AKAP13: variants seen among roughly 807,000 people sequenced by gnomAD.
The protein encoded by AKAP13 is A-kinase anchor protein 13.
A neutral mutation model predicts 264.5 loss-of-function variants in AKAP13; 80 were observed. The observed-to-expected ratio is 0.30, with a 90% CI of 0.25 to 0.36. The LOEUF is 0.36. Among genes scored for constraint, AKAP13 ranks in the 10% least tolerant of loss-of-function variants. The pLI is 1.00. For synonymous variants in AKAP13, 1,380 were observed against 1,250.2 expected, an observed-to-expected ratio of 1.10 and a Z score of -2.19; for missense variants, 3,712 against 3,435.2, an observed-to-expected ratio of 1.08 and a Z score of -2.01.
At chr15:85,692,832 G>A (rs1329716004) in intron 16 of AKAP13, among the ~76,000 whole-genome samples, 1 of 152,122 alleles carries the variant, frequency 6.6e-6, no homozygotes, top group Non-Finnish European at 1.5e-5. Flanking sequence ...ATGCCACCCA[G>A]GCATCTTTTT....
At chr15:85,539,166 A>G (rs2077502704) in intron 4 of AKAP13, among the ~76,000 whole-genome samples, 1 of 152,158 alleles carries the variant, frequency 6.6e-6, no homozygotes, top group South Asian at 2.1e-4. Flanking sequence ...ATCACTGCTG[A>G]AAAGAAAATA....
At chr15:85,731,817 C>T (rs1474224549) in intron 30 of AKAP13, among the ~76,000 whole-genome samples, 1 of 152,026 alleles carries the variant, frequency 6.6e-6, no homozygotes, top group Non-Finnish European at 1.5e-5. Context: ...CACGGTGGCT[C>T]ATTTCTATAA....
chr15:85,732,403 G>T (rs1378243539), intron 30 of AKAP13, among the ~76,000 whole-genome samples: 1 of 151,248 alleles, frequency 6.6e-6, no homozygotes, highest in Non-Finnish European at 1.5e-5. Flanking sequence ...GGCCTTTTCA[G>T]TGGACAGAGC....
chr15:85,399,527 A>AAAAAAAAAATAAAT (rs1567038675), intron 1 of AKAP13, among the ~76,000 whole-genome samples: 8 of 114,774 alleles, frequency 7.0e-5, no homozygotes, highest in East Asian at 4.6e-4. Flanking sequence ...AAAAAATAAA[A>AAAAAAAAAATAAAT]AAATAAAAAA....
intron 8 of AKAP13, among the ~76,000 whole-genome samples, chr15:85,611,189 A>G (rs936594285): frequency 6.6e-6 from 1 of 152,134 alleles, no homozygotes; most frequent in African/African-American, 2.4e-5. Flanking sequence ...TACTTTCTCC[A>G]TTTAGTTTCC....
intron 16 of AKAP13, 147 bp from the exon 17 acceptor site, chr15:85,693,130 A>AC: frequency 7.4e-7 from 1 of 1,347,208 alleles, no homozygotes; most frequent in Non-Finnish European, 9.6e-7. Flanking sequence ...AAAAAACAAA[A>AC]CAAAACACTT....
intron 4 of AKAP13, chr15:85,536,794 G>A (rs2077415663): frequency 6.6e-6 from 1 of 152,150 alleles, no homozygotes. Flanking sequence ...AAAGAGAACA[G>A]ATGAGTAGTT....
chr15:85,495,355 T>A (rs1015512662), intron 2 of AKAP13, among the ~76,000 whole-genome samples: 3 of 152,226 alleles, frequency 2.0e-5, no homozygotes, highest in African/African-American at 7.2e-5. Context: ...CCAGAGTGGC[T>A]GGCTCTACAG....
At chr15:85,585,036 C>T (rs1165319433) in intron 7 of AKAP13, among the ~76,000 whole-genome samples, 7 of 152,192 alleles carry the variant, frequency 4.6e-5, no homozygotes, top group African/African-American at 1.7e-4. Context: ...TTTGGTCTGT[C>T]AACATGGCCA....
chr15:85,678,977 T>C (rs984498099), intron 14 of AKAP13, among the ~76,000 whole-genome samples: 3 of 151,806 alleles, frequency 2.0e-5, no homozygotes, highest in African/African-American at 7.3e-5. Context: ...CAGTGGCTCA[T>C]GCCTGTAATC....
chr15:85,627,676 G>C (rs1039607087), intron 8 of AKAP13: 1 of 152,110 alleles, frequency 6.6e-6, no homozygotes, highest in East Asian at 1.9e-4. Flanking sequence ...GGATACTGTT[G>C]GGCTTTTTGT....
chr15:85,648,025 A>T (rs1019793766), intron 10 of AKAP13, among the ~76,000 whole-genome samples: 8 of 148,270 alleles, frequency 5.4e-5, no homozygotes, highest in East Asian at 2.0e-4. Flanking sequence ...ATGTTATTTT[A>T]TTTTTTTTTT....
At chr15:85,564,876 G>A (rs555257426) in intron 5 of AKAP13, among the ~76,000 whole-genome samples, 35 of 152,236 alleles carry the variant, frequency 2.3e-4, no homozygotes, top group Non-Finnish European at 3.5e-4. Context: ...CACGGTCCTG[G>A]TTCTCAATGG....
intron 13 of AKAP13, among the ~76,000 whole-genome samples, chr15:85,666,734 A>G (rs997258127): frequency 5.9e-5 from 9 of 152,028 alleles, no homozygotes; most frequent in Non-Finnish European, 1.0e-4. Context: ...CTTTATCACC[A>G]TCTAATCATC....
In AKAP13 at chr15:85,693,398, G is replaced by C. The variant is rs199654694; in HGVS notation, c.5411G>C (p.Ser1804Thr). Residue 1804 changes from serine (S) to threonine (T), a missense_variant, in exon 17 of 37, where the codon AGC becomes ACC. Ser to Thr is a moderately conservative substitution (Grantham distance 58). Coordinates refer to ENST00000394518, the MANE Select transcript of AKAP13 (RefSeq NM_007200.5). ...FSSIPVVGPISCSQCMKPFTN... is the reference protein window; with the variant it reads ...FSSIPVVGPITCSQCMKPFTN... ...TCCATTCCTGTTGTGGGTCCCATCAGCTGTAGCCAGTGTATGAAGCCCTTC... is the reference window on the plus strand; with the variant it reads ...TCCATTCCTGTTGTGGGTCCCATCACCTGTAGCCAGTGTATGAAGCCCTTC... 34 of 1,613,968 alleles carry C rather than the reference G, an allele frequency of 2.1e-5. No homozygotes were observed. The Middle Eastern group carries it at 8.2e-4, about 39-fold the overall frequency.
At chr15:85,726,232 T>C in intron 26 of AKAP13, 178 bp from the exon 27 acceptor site, 1 of 496,852 alleles carries the variant, frequency 2.0e-6, no homozygotes, top group South Asian at 3.8e-5. Context: ...GGTGACCAGA[T>C]CTGAATCCTG....
intron 3 of AKAP13, among the ~76,000 whole-genome samples, chr15:85,524,075 G>A (rs6496044): frequency 0.66 from 100,746 of 152,082 alleles, 33,447 homozygotes; most frequent in Middle Eastern, 0.76. Flanking sequence ...GCTACTGCCT[G>A]CAGGGATGTC....
At chr15:85,568,657 A>G (rs925541018) in intron 5 of AKAP13, among the ~76,000 whole-genome samples, 15 of 152,230 alleles carry the variant, frequency 9.9e-5, no homozygotes, top group African/African-American at 3.1e-4. Context: ...GACCTTGGTC[A>G]TGAAGTTCTG....
intron 8 of AKAP13, among the ~76,000 whole-genome samples, chr15:85,627,396 T>C (rs115087934): frequency 1.1e-3 from 161 of 152,328 alleles, no homozygotes; most frequent in African/African-American, 2.8e-3. Context: ...ATACCTTTTA[T>C]GTGCTTCCCA....
Sources: gnomAD v4.1 joint callset for allele counts (sites outside exome capture counted in the v4.1 genomes callset) on GRCh38, gnomAD v4.1.1 for gene constraint, MANE v1.5 for transcripts, NCBI Gene and HGNC (gene_info 2026-07-23, HGNC 2026-07-21) for gene names.